The following NRXN3 variants were observed in gnomAD, a reference collection of about 807,000 sequenced individuals.
The protein encoded by NRXN3 is neurexin 3.
Under a neutral mutation model 137.6 loss-of-function variants are expected in NRXN3, and 32 were observed. The ratio of observed to expected loss-of-function variants is 0.23; its 90% CI spans 0.18 to 0.31. NRXN3 has a LOEUF of 0.31. NRXN3 is among the 10% of genes least tolerant of loss of function. The pLI is 1.00. For missense variants in NRXN3, 1,574 were observed against 2,062.5 expected, an observed-to-expected ratio of 0.76 and a Z score of 4.59; for synonymous variants, 798 against 784.5, an observed-to-expected ratio of 1.02 and a Z score of -0.29.
intron 15 of NRXN3, among the ~76,000 whole-genome samples, chr14:79,182,118 A>G (rs150137867): frequency 6.6e-6 from 1 of 152,034 alleles, no homozygotes; most frequent in Non-Finnish European, 1.5e-5. Context: ...TGTTTAATTT[A>G]TTTTATGTCC....
chr14:78,668,962 A>G (rs11847956), intron 6 of NRXN3, among the ~76,000 whole-genome samples: 7,150 of 110,034 alleles, frequency 0.065, 436 homozygotes, highest in African/African-American at 0.19. Context: ...CTGTCTGTCT[A>G]TCTATCTACC....
rs748574994 is a variant in NRXN3, at chr14:79,684,635, G to A, written c.3617-7538G>A. Among the ~76,000 whole-genome samples the A allele has an allele frequency of 1.1e-4, 16 of 152,172 alleles. 1 individual carries two copies. The South Asian group carries it at 1.5e-3, about 14-fold the overall frequency. On this transcript the variant is annotated intron_variant, in intron 17 of 20. Coordinates refer to ENST00000335750, the MANE Select transcript of NRXN3 (RefSeq NM_001330195.2). ...TGACAATGTTCCTGTGTTGTGCAGCGGAATTGTCCTCCCAAACCTCCTCCC... is the reference window on the plus strand; with the variant it reads ...TGACAATGTTCCTGTGTTGTGCAGCAGAATTGTCCTCCCAAACCTCCTCCC...
intron 4 of NRXN3, among the ~76,000 whole-genome samples, chr14:78,419,975 ACACACACACAC>A (rs796187057): frequency 1.8e-4 from 7 of 39,644 alleles, no homozygotes; most frequent in Non-Finnish European, 3.3e-4. Flanking sequence ...ACACACACAC[ACACACACACAC>A]GTAAAGTCCT....
chr14:78,661,168 A>G (rs2097837970), intron 6 of NRXN3, among the ~76,000 whole-genome samples: 1 of 152,230 alleles, frequency 6.6e-6, no homozygotes, highest in African/African-American at 2.4e-5. Flanking sequence ...GGAGTGCAAT[A>G]TTAACAGAAT....
Position 79,282,097 on chromosome 14 carries a change from G to A in NRXN3, c.3263-185124G>A, listed in dbSNP as rs143438563. 7.9e-4 allele frequency among the ~76,000 whole-genome samples: 120 copies of A among 152,048 alleles called. 1 individual carries two copies. The highest frequency in any genetic ancestry group is 5.6e-3 in the Admixed American group (85 of 15,266). The stretch of plus-strand genomic sequence containing the variant: ...CTCTGTGACTCCTGCTGGGTCTGGT[G>A]TTGGCTCCCTTAAAAAAGAAAGAAG... On this transcript the variant is annotated intron_variant, in intron 15 of 20. Transcript: ENST00000335750.
intron 16 of NRXN3, among the ~76,000 whole-genome samples, chr14:79,574,941 C>T (rs1406250393): frequency 6.7e-6 from 1 of 148,712 alleles, no homozygotes. Flanking sequence ...AACTATGTGA[C>T]ATTCTTGCTT....
chr14:78,710,694 G>A (rs1168738454), intron 7 of NRXN3, among the ~76,000 whole-genome samples: 2 of 152,180 alleles, frequency 1.3e-5, no homozygotes, highest in Non-Finnish European at 2.9e-5. Flanking sequence ...TCCCCAAAAG[G>A]CTGAAACTGG....
At chr14:78,785,234 C>T (rs1267244134) in intron 8 of NRXN3, among the ~76,000 whole-genome samples, 2 of 152,144 alleles carry the variant, frequency 1.3e-5, no homozygotes, top group East Asian at 1.9e-4. Flanking sequence ...TCCACCCATT[C>T]ATCAGACACA....
chr14:78,411,013 A>T (rs1156799785), intron 4 of NRXN3, among the ~76,000 whole-genome samples: 3 of 152,186 alleles, frequency 2.0e-5, no homozygotes, highest in African/African-American at 7.2e-5. Context: ...TCTAGATTTC[A>T]TAATCTGTAA....
At chr14:79,630,964 C>T (rs1181170576) in intron 16 of NRXN3, among the ~76,000 whole-genome samples, 1 of 152,174 alleles carries the variant, frequency 6.6e-6, no homozygotes, top group Non-Finnish European at 1.5e-5. Context: ...TGTCTCCCTG[C>T]TTTAGAATGC....
At chr14:78,521,804 C>CA (rs765161338) in intron 4 of NRXN3, among the ~76,000 whole-genome samples, 8 of 152,052 alleles carry the variant, frequency 5.3e-5, no homozygotes, top group Non-Finnish European at 1.0e-4. Context: ...AAAAAAACCC[C>CA]ATGGAATATA....
chr14:78,563,503 T>A (rs1450722157), intron 4 of NRXN3, among the ~76,000 whole-genome samples: 2 of 152,194 alleles, frequency 1.3e-5, no homozygotes, highest in Non-Finnish European at 2.9e-5. Context: ...CCTAGATCCA[T>A]CCCCTAGAAA....
At chr14:79,477,646 A>G (rs562576706) in intron 16 of NRXN3, among the ~76,000 whole-genome samples, 1 of 152,198 alleles carries the variant, frequency 6.6e-6, no homozygotes, top group South Asian at 2.1e-4. Flanking sequence ...AAGAAGATGA[A>G]ATGCCCAGCA....
intron 10 of NRXN3, among the ~76,000 whole-genome samples, chr14:78,827,896 T>TTAACA (rs1293137468): frequency 6.6e-6 from 1 of 152,226 alleles, no homozygotes. Flanking sequence ...TTTGTTCTAT[T>TTAACA]TAACAGCATA....
At chr14:79,677,351 A>G (rs1245493290) in intron 17 of NRXN3, among the ~76,000 whole-genome samples, 1 of 152,114 alleles carries the variant, frequency 6.6e-6, no homozygotes, top group Non-Finnish European at 1.5e-5. Context: ...AGGTTTAGAA[A>G]TCTTATTACT....
intron 15 of NRXN3, among the ~76,000 whole-genome samples, chr14:79,125,420 A>G (rs2056224290): frequency 6.6e-6 from 1 of 152,230 alleles, no homozygotes; most frequent in African/African-American, 2.4e-5. Context: ...ACAGGTACTC[A>G]ACAGATAGTT....
intron 15 of NRXN3, among the ~76,000 whole-genome samples, chr14:79,377,862 G>A (rs562161613): frequency 1.3e-5 from 2 of 152,332 alleles, no homozygotes; most frequent in Admixed American, 6.5e-5. Context: ...TAGTTTCTAT[G>A]AAGCAGAAAT....
At chr14:79,183,262 C>T (rs1203126704) in intron 15 of NRXN3, among the ~76,000 whole-genome samples, 1 of 152,100 alleles carries the variant, frequency 6.6e-6, no homozygotes, top group Non-Finnish European at 1.5e-5. Flanking sequence ...CTCTACTTCC[C>T]TATACTTCAG....
intron 6 of NRXN3, among the ~76,000 whole-genome samples, chr14:78,660,506 G>A (rs2097830186): frequency 6.6e-6 from 1 of 151,966 alleles, no homozygotes; most frequent in Admixed American, 6.6e-5. Context: ...ATAACATACA[G>A]GCTCAGAAGT....
Sources: gnomAD v4.1 joint callset for allele counts (sites outside exome capture counted in the v4.1 genomes callset) on GRCh38, gnomAD v4.1.1 for gene constraint, MANE v1.5 for transcripts, NCBI Gene and HGNC (gene_info 2026-07-23, HGNC 2026-07-21) for gene names.